NAT10: variants seen among roughly 807,000 people sequenced by gnomAD.
NAT10 encodes the protein N-acetyltransferase 10.
A neutral mutation model predicts 132.2 loss-of-function variants in NAT10; 109 were observed. That is an observed-to-expected ratio of 0.82 (90% CI 0.71 to 0.97). The LOEUF (loss-of-function observed/expected upper bound fraction) is 0.97, where lower values mean the gene tolerates loss of function less well. Among genes scored for constraint, NAT10 ranks in the 50% least tolerant of loss-of-function variants. NAT10 has a pLI of 0.00. For synonymous variants in NAT10, 479 were observed against 478.0 expected (o/e 1.00, Z -0.03); for missense variants, 1,184 against 1,263.4 (o/e 0.94, Z 0.95).
In NAT10 at chr11:34,146,342, G is replaced by C; in HGVS notation, c.*150G>C. ...GGCCTCTGGGCCTGTGTGTCTGTGA[G>C]CTCAACCTGGCTAAAGGCAGAGTCA... On this transcript the variant is annotated 3_prime_UTR_variant, in exon 29 of 29. Transcript: ENST00000257829. 1 of 584,698 alleles carries C rather than the reference G, an allele frequency of 1.7e-6. No homozygotes were observed. The highest frequency in any genetic ancestry group is 2.9e-5 in the East Asian group (1 of 34,198). 36.2% of individuals were successfully genotyped at this position (584,698 alleles called of 1,614,324 possible).
intron 25 of NAT10, among the ~76,000 whole-genome samples, 184 bp from the exon 26 acceptor site, chr11:34,141,535 T>TG (rs1852332071): frequency 6.6e-6 from 1 of 152,132 alleles, no homozygotes; most frequent in African/African-American, 2.4e-5. Context: ...ATTAGGAATT[T>TG]GGTACATATC....
intron 3 of NAT10, 149 bp from the exon 4 acceptor site, chr11:34,111,903 G>T: frequency 1.2e-6 from 1 of 809,264 alleles, no homozygotes; most frequent in Admixed American, 2.6e-5. Context: ...CCTCTCCACT[G>T]CCCTCCACCT....
intron 23 of NAT10, 57 bp downstream of exon 23, chr11:34,139,552 GGGTGT>G: frequency 6.8e-7 from 1 of 1,472,624 alleles, no homozygotes. Flanking sequence ...TGTGGGAGGT[GGGTGT>G]GGTGTCCTAG....
intron 6 of NAT10, among the ~76,000 whole-genome samples, chr11:34,116,131 ACT>A (rs1851778798): frequency 6.6e-6 from 1 of 151,940 alleles, no homozygotes; most frequent in Non-Finnish European, 1.5e-5. Context: ...AAACCAGGTT[ACT>A]CTCTCTGGTT....
chr11:34,120,339 C>T (rs1427001586), intron 8 of NAT10, among the ~76,000 whole-genome samples: 3 of 152,082 alleles, frequency 2.0e-5, no homozygotes, highest in African/African-American at 7.2e-5. Context: ...TAAAATACAG[C>T]CTTCAGGCAA....
intron 27 of NAT10, among the ~76,000 whole-genome samples, chr11:34,142,830 GAAT>G (rs1398986091): frequency 6.6e-6 from 1 of 152,172 alleles, no homozygotes; most frequent in East Asian, 1.9e-4. Context: ...GGATTGATGT[GAAT>G]AATAACTCCA....
At chr11:34,114,189 T>C (rs898960826) in intron 5 of NAT10, among the ~76,000 whole-genome samples, 1 of 152,192 alleles carries the variant, frequency 6.6e-6, no homozygotes, top group Non-Finnish European at 1.5e-5. Flanking sequence ...AAAAGGACCA[T>C]GTGCAGACTG....
At position 34,118,260 on chromosome 11, in the gene NAT10, T is replaced by C; in HGVS notation, c.638T>C (p.Val213Ala). ...QLNILPISSH[V>A]ATMEALPPQT... Reference sequence around the variant, plus strand: ...AACATCCTGCCCATCTCCTCCCACGTTGCCACCATGGAGGCCCTGCCTCCC... The same window carrying C: ...AACATCCTGCCCATCTCCTCCCACGCTGCCACCATGGAGGCCCTGCCTCCC... Residue 213 changes from valine (V) to alanine (A), a missense_variant, in exon 7 of 29, where the codon GTT becomes GCT. Physicochemically the swap from Val to Ala is moderately conservative, Grantham distance 64 (BLOSUM62 0). Transcript: ENST00000257829. The C allele has an allele frequency of 6.2e-7, 1 of 1,614,150 alleles. No individual in the cohort carries two copies. Among genetic ancestry groups the C allele is most frequent in the South Asian group, 1.1e-5 (1 of 91,084 alleles).
chr11:34,126,383 C>T (rs1851994537), intron 11 of NAT10, among the ~76,000 whole-genome samples: 1 of 152,162 alleles, frequency 6.6e-6, no homozygotes, highest in African/African-American at 2.4e-5. Context: ...ACTTGTCCTC[C>T]TTCAGCTTTC....
chr11:34,146,018 T>C, intron 28 of NAT10, 66 bp from the exon 29 acceptor site: 2 of 1,183,162 alleles, frequency 1.7e-6, no homozygotes, highest in South Asian at 1.5e-5. Context: ...CAAAGCAAGC[T>C]TAAAGCAGTC....
rs780411730 is a variant in NAT10, at chr11:34,130,957, G to A, written c.1369+20G>A. 8 of 1,613,068 alleles carry A rather than the reference G, an allele frequency of 5.0e-6. No homozygotes were observed. The highest frequency in any genetic ancestry group is 4.5e-5 in the East Asian group (2 of 44,844). On this transcript the variant is annotated intron_variant, in intron 13 of 28. Transcript: ENST00000257829. Reference sequence around the variant, plus strand: ...CATCAGGTACCCCAGAACCTGACCCGGGTCCCGCGGTTCACAGCAAGGCCC... The same window carrying A: ...CATCAGGTACCCCAGAACCTGACCCAGGTCCCGCGGTTCACAGCAAGGCCC...
rs1463798966 is a variant in NAT10, at chr11:34,139,410, G to T, written c.2334G>T (p.Leu778Phe). 6.2e-7 allele frequency: 1 copy of T among 1,614,162 alleles called. No homozygotes were observed. The highest frequency in any genetic ancestry group is 1.7e-5 in the Admixed American group (1 of 60,028). Residue 778 changes from leucine to phenylalanine, a missense_variant, in exon 23 of 29, where the codon TTG (leucine) becomes TTT (phenylalanine). Transcript: ENST00000257829. ...WKDFRRRFLA[L>F]LSYQFSTFSP... ...ATTTCCGACGGCGGTTCCTAGCCTT[G>T]CTCTCCTACCAGTTCAGTACCTTCT...
rs1565112346 is a variant in NAT10, at chr11:34,124,390, A to G, written c.1097A>G (p.Gln366Arg). The stretch of plus-strand genomic sequence containing the variant: ...GTGAATGTATTTCGAGAACACAGGC[A>G]GACTATTCAGGTGAGGCTTGTTCTC... The part of the protein sequence containing the change: ...IRVNVFREHR[Q>R]TIQYIHPADA... Residue 366 changes from glutamine to arginine, a missense_variant, in exon 11 of 29, where the codon CAG becomes CGG. Coordinates refer to ENST00000257829, the MANE Select transcript of NAT10 (RefSeq NM_024662.3). 3.1e-6 allele frequency: 5 copies of G among 1,613,248 alleles called. No individual in the cohort carries two copies. The highest frequency in any genetic ancestry group is 4.2e-6 in the Non-Finnish European group (5 of 1,179,418).
intron 9 of NAT10, 118 bp downstream of exon 9, chr11:34,122,710 G>A: frequency 7.4e-7 from 1 of 1,346,802 alleles, no homozygotes; most frequent in South Asian, 1.4e-5. Context: ...AGTGGGTTCA[G>A]TGTGTGATTT....
In NAT10 at chr11:34,127,706, AGTCTCTGAGT is replaced by A. The variant is rs1852021734; in HGVS notation, c.1244+110_1244+119del. 9.4e-6 allele frequency: 13 copies of A among 1,379,094 alleles called. No homozygotes were observed. The East Asian group carries it at 3.1e-4, about 33-fold the overall frequency. The allele number at this position is 1,379,094 out of a possible 1,614,324, so 85.4% of individuals were successfully genotyped here. A position where few individuals can be genotyped will look rare whatever the true frequency, so the allele number is the denominator to read the frequency against. ...CTGGACAGCCAAGTCTGATTCTCAGAGTCTCTGAGTGTTTGAGGCTGCTTCATTCTCTACT... is the reference window on the plus strand; with the variant it reads ...CTGGACAGCCAAGTCTGATTCTCAGAGTTTGAGGCTGCTTCATTCTCTACT... On this transcript the variant is annotated intron_variant, in intron 12 of 28. Coordinates refer to ENST00000257829, the MANE Select transcript of NAT10 (RefSeq NM_024662.3).
At chr11:34,112,366 T>A in intron 4 of NAT10, 143 bp downstream of exon 4, 1 of 999,734 alleles carries the variant, frequency 1.0e-6, no homozygotes, top group Non-Finnish European at 1.5e-6. Flanking sequence ...GTGGAAGTCC[T>A]GGCCACTTTC....
In NAT10 at chr11:34,108,331, C is replaced by A; in HGVS notation, c.106C>A (p.Gln36Lys). 1 of 1,609,822 alleles carries A rather than the reference C, an allele frequency of 6.2e-7. No homozygotes were observed. Among genetic ancestry groups the A allele is most frequent in the Non-Finnish European group, 8.5e-7 (1 of 1,176,164 alleles). The change falls in exon 2 of 29, where the codon CAG (glutamine) becomes AAG (lysine). Residue 36 changes from glutamine to lysine, a missense_variant and splice_region_variant. Transcript: ENST00000257829. ...FVVVGDRGKD[Q>K]VVILHHMLSK... ...TGTAGTTGGGGATCGAGGAAAAGAT[C>A]AGGTATGGCCTGGTAAATGCTTCCT... is the stretch of plus-strand genomic sequence containing the variant.
intron 25 of NAT10, 62 bp downstream of exon 25, chr11:34,141,270 T>C (rs1299049141): frequency 2.5e-6 from 4 of 1,606,268 alleles, no homozygotes; most frequent in East Asian, 2.2e-5. Flanking sequence ...ACCCACTCCC[T>C]GCTCCCGAGA....
In NAT10 at chr11:34,140,409, G is replaced by A. The variant is rs766956292; in HGVS notation, c.2429G>A (p.Arg810Gln). The A allele has an allele frequency of 3.5e-5, 56 of 1,613,418 alleles. No homozygotes were observed. The Middle Eastern group carries it at 8.2e-4, about 24-fold the overall frequency. Residue 810 changes from arginine to glutamine, a missense_variant, in exon 24 of 29, where the codon CGG becomes CAG. Transcript: ENST00000257829. ...MGKPAQPALS[R>Q]EELEALFLPY... The stretch of plus-strand genomic sequence containing the variant: ...TCTATCCCATGGACAGCCCTGAGCC[G>A]GGAGGAGCTGGAAGCACTCTTCCTC...
Sources: gnomAD v4.1 joint callset for allele counts (sites outside exome capture counted in the v4.1 genomes callset) on GRCh38, gnomAD v4.1.1 for gene constraint, MANE v1.5 for transcripts, NCBI Gene and HGNC (gene_info 2026-07-23, HGNC 2026-07-21) for gene names.